The following SPMIP2 variants were observed in gnomAD, a reference collection of about 807,000 sequenced individuals.
SPMIP2 encodes the protein sperm microtubule inner protein 2.
chr4:159,074,774 C>T, the SPMIP2 span, among the ~76,000 whole-genome samples: 1 of 152,054 alleles, frequency 6.6e-6, no homozygotes, highest in Non-Finnish European at 1.5e-5. Context: ...CTATACAGTC[C>T]ATTATATTAT....
the SPMIP2 span, chr4:158,905,614 G>A: frequency 6.7e-6 from 1 of 150,058 alleles, no homozygotes; most frequent in Non-Finnish European, 1.5e-5. Context: ...TCTAATTCCT[G>A]CATCCTTTTC....
the SPMIP2 span, among the ~76,000 whole-genome samples, chr4:159,023,028 CAATAAAATAAAATAAAATAAAATAA>C: frequency 0.048 from 6,603 of 137,380 alleles, 491 homozygotes; most frequent in African/African-American, 0.16. Context: ...GACTCCATCT[CAATAAAATAAAATAAAATAAAATAA>C]AATAAAATAA....
chr4:158,904,890 G>A, the SPMIP2 span: 9 of 228,546 alleles, frequency 3.9e-5, no homozygotes, highest in African/African-American at 1.8e-4. Context: ...CAAGTGACTT[G>A]AGCGGGGTGG....
chr4:159,067,476 C>T, the SPMIP2 span, among the ~76,000 whole-genome samples: 2 of 152,120 alleles, frequency 1.3e-5, no homozygotes, highest in Non-Finnish European at 2.9e-5. Context: ...GGTGATCCAC[C>T]CGCCTTGGCC....
At chr4:158,975,110 G>T in the SPMIP2 span, among the ~76,000 whole-genome samples, 1 of 152,088 alleles carries the variant, frequency 6.6e-6, no homozygotes, top group East Asian at 1.9e-4. Context: ...GTCTTCTTTT[G>T]AAAAGTATCT....
the SPMIP2 span, among the ~76,000 whole-genome samples, chr4:159,036,267 T>C: frequency 3.9e-5 from 6 of 152,250 alleles, no homozygotes; most frequent in Admixed American, 3.3e-4. Flanking sequence ...AGAGATGTGC[T>C]ACTCAGGTAG....
the SPMIP2 span, among the ~76,000 whole-genome samples, chr4:158,999,347 T>G: frequency 1.1e-4 from 17 of 152,184 alleles, no homozygotes; most frequent in Non-Finnish European, 2.9e-5. Flanking sequence ...CTGGATGAAA[T>G]GTGGCAATTC....
At chr4:158,894,163 AT>A in the SPMIP2 span, among the ~76,000 whole-genome samples, 1 of 141,998 alleles carries the variant, frequency 7.0e-6, no homozygotes, top group African/African-American at 2.5e-5. Context: ...CTTTTAAAAA[AT>A]GTTTTCTTTT....
chr4:159,009,514 C>A, the SPMIP2 span, among the ~76,000 whole-genome samples: 2 of 152,212 alleles, frequency 1.3e-5, no homozygotes, highest in African/African-American at 2.4e-5. Context: ...TTGGCATTCT[C>A]ATTCTTCAAA....
At chr4:158,979,013 T>C in the SPMIP2 span, among the ~76,000 whole-genome samples, 7 of 152,138 alleles carry the variant, frequency 4.6e-5, no homozygotes, top group Non-Finnish European at 8.8e-5. Context: ...AGATAGGAGT[T>C]TTATCTATAA....
At chr4:158,977,493 T>C in the SPMIP2 span, among the ~76,000 whole-genome samples, 662 of 152,216 alleles carry the variant, frequency 4.3e-3, 2 homozygotes, top group African/African-American at 0.015. Context: ...CTTTCTTCTT[T>C]ATTAGTCTGG....
chr4:158,920,601 G>A, the SPMIP2 span, among the ~76,000 whole-genome samples: 1 of 152,146 alleles, frequency 6.6e-6, no homozygotes, highest in African/African-American at 2.4e-5. Flanking sequence ...TTACTAGGAT[G>A]GGGAAAAAAC....
At chr4:158,958,643 C>T in the SPMIP2 span, among the ~76,000 whole-genome samples, 1 of 152,174 alleles carries the variant, frequency 6.6e-6, no homozygotes. Flanking sequence ...TTGGGAGACT[C>T]AGCACTAACC....
the SPMIP2 span, chr4:158,973,190 A>G: frequency 1.2e-5 from 20 of 1,613,684 alleles, no homozygotes; most frequent in East Asian, 2.2e-5. Flanking sequence ...GCAAGCTTCT[A>G]TTTGAGGCAG....
chr4:158,980,045 T>C, the SPMIP2 span, among the ~76,000 whole-genome samples: 2 of 152,060 alleles, frequency 1.3e-5, no homozygotes, highest in African/African-American at 4.8e-5. Flanking sequence ...TTGCTGAGTC[T>C]TGAGTAGGTG....
chr4:159,053,082 A>C, the SPMIP2 span, among the ~76,000 whole-genome samples: 1 of 138,544 alleles, frequency 7.2e-6, no homozygotes, highest in Non-Finnish European at 1.6e-5. Flanking sequence ...TCAGCCTCCC[A>C]AGTAGCTGGG....
At chr4:158,989,445 A>G in the SPMIP2 span, among the ~76,000 whole-genome samples, 3 of 152,216 alleles carry the variant, frequency 2.0e-5, no homozygotes, top group Non-Finnish European at 4.4e-5. Flanking sequence ...CAAAAAGAAT[A>G]AAGCTGGAGG....
chr4:159,013,781 G>A, the SPMIP2 span, among the ~76,000 whole-genome samples: 2 of 38,850 alleles, frequency 5.1e-5, no homozygotes, highest in African/African-American at 1.8e-4. Flanking sequence ...AAAAGGGAAG[G>A]AAATTGAGAC....
the SPMIP2 span, among the ~76,000 whole-genome samples, chr4:158,930,001 T>G: frequency 6.6e-6 from 1 of 152,226 alleles, no homozygotes; most frequent in Non-Finnish European, 1.5e-5. Flanking sequence ...TTTGTATATC[T>G]GAGAATATCT....
Sources: allele counts gnomAD v4.1 joint callset (sites outside exome capture counted in the v4.1 genomes callset), GRCh38; gene constraint gnomAD v4.1.1; transcripts MANE v1.5; gene names NCBI Gene and HGNC (gene_info 2026-07-23, HGNC 2026-07-21).